The following LAMB3 variants were observed in gnomAD, a reference collection of about 807,000 sequenced individuals.
LAMB3 encodes laminin subunit beta 3.
LAMB3 carries 104 observed loss-of-function variants against 140.3 expected under a neutral mutation model. That is an observed-to-expected ratio of 0.74 (90% CI 0.63 to 0.87). The LOEUF is 0.87. LAMB3 is among the 40% of genes least tolerant of loss of function. The pLI is 0.00. For missense variants in LAMB3, 1,531 were observed against 1,575.2 expected, an observed-to-expected ratio of 0.97 and a Z score of 0.47; for synonymous variants, 592 against 602.9, an observed-to-expected ratio of 0.98 and a Z score of 0.26.
intron 3 of LAMB3, among the ~76,000 whole-genome samples, chr1:209,644,676 T>G (rs1190285871): frequency 6.6e-6 from 1 of 152,124 alleles, no homozygotes; most frequent in Non-Finnish European, 1.5e-5. Context: ...TGGCAATCAC[T>G]GAAAATTTCA....
At chr1:209,626,819 G>T (rs377192986) in intron 13 of LAMB3, 48 bp downstream of exon 13, 1 of 1,431,204 alleles carries the variant, frequency 7.0e-7, no homozygotes, top group Non-Finnish European at 9.8e-7. Flanking sequence ...GCCCACCCGC[G>T]TGCTCGGCCC....
intron 10 of LAMB3, among the ~76,000 whole-genome samples, 188 bp downstream of exon 10, chr1:209,629,549 C>G (rs17014942): frequency 0.026 from 3,924 of 152,160 alleles, 99 homozygotes; most frequent in East Asian, 0.13. Flanking sequence ...ATTGATGGTC[C>G]AGAGAGGTTA....
In LAMB3 at chr1:209,634,653, G is replaced by T. The variant is rs377371473; in HGVS notation, c.373-15C>A. On this transcript the variant is annotated splice_polypyrimidine_tract_variant and intron_variant, in intron 5 of 22. Transcript: ENST00000356082. ...GGCATGGGCCCCTGTGGAGACAGGG[G>T]CAGTGTGCAGAGGGGAGGCACTGGG... 2 of 1,606,864 alleles carry T rather than the reference G, an allele frequency of 1.2e-6. No individual in the cohort carries two copies. The highest frequency in any genetic ancestry group is 3.4e-5 in the Admixed American group (2 of 59,398).
chr1:209,622,684 T>C lies in LAMB3; in HGVS notation c.2557-4A>G, dbSNP rs535477818. On this transcript the variant is annotated splice_polypyrimidine_tract_variant and splice_region_variant and intron_variant, in intron 17 of 22. Coordinates refer to ENST00000356082, the MANE Select transcript of LAMB3 (RefSeq NM_000228.3). ...CAGATTCCTCGGCTGCCCTAATCTG[T>C]TGACATACACTCTAGGTCAGAAGGG... The C allele has an allele frequency of 2.1e-5, 34 of 1,614,122 alleles. No individual in the cohort carries two copies. The highest frequency in any genetic ancestry group is 2.8e-5 in the Non-Finnish European group (33 of 1,180,022).
chr1:209,632,704 G>T lies in LAMB3; in HGVS notation c.701C>A (p.Pro234His), dbSNP rs766795526. Reference protein sequence around the residue: ...LAPVPQRGYHPPSAYYAVSQL... With the variant: ...LAPVPQRGYHHPSAYYAVSQL... ...GGACACAGCATAGTAGGCGCTGGGA[G>T]GGTGGTAGCCCCTTTGGGGCACAGG... Residue 234 changes from proline to histidine, a missense_variant, in exon 8 of 23, where the codon CCT (proline) becomes CAT (histidine). Coordinates refer to ENST00000356082, the MANE Select transcript of LAMB3 (RefSeq NM_000228.3). 1.2e-6 allele frequency: 2 copies of T among 1,614,244 alleles called. No homozygotes were observed. Among genetic ancestry groups the T allele is most frequent in the Non-Finnish European group, 1.7e-6 (2 of 1,180,030 alleles).
rs116107388 is a variant in LAMB3 at position 209,627,861 on chromosome 1, C to T, written c.1288+174G>A. Among the ~76,000 whole-genome samples, 320 of 152,338 alleles carry T rather than the reference C, an allele frequency of 2.1e-3. 1 individual carries two copies. The highest frequency in any genetic ancestry group is 7.3e-3 in the African/African-American group (304 of 41,580). On this transcript the variant is annotated intron_variant, in intron 11 of 22. Transcript: ENST00000356082. ...TGGAGGCCAGTGGCACAGCATCTGG[C>T]GCTGGGTAAGAGGGCAAGAAGTCCG...
chr1:209,634,754 C>T, intron 5 of LAMB3, 116 bp from the exon 6 acceptor site: 1 of 832,706 alleles, frequency 1.2e-6, no homozygotes, highest in South Asian at 1.5e-5. Context: ...CCAGTGGGAG[C>T]AAGTGGGCTC....
intron 11 of LAMB3, 43 bp downstream of exon 11, chr1:209,627,992 T>C: frequency 6.4e-7 from 1 of 1,562,920 alleles, no homozygotes; most frequent in South Asian, 1.2e-5. Flanking sequence ...GGTGGCCCCA[T>C]GCAGCCCACC....
At chr1:209,639,787 C>A (rs1180567117) in intron 3 of LAMB3, among the ~76,000 whole-genome samples, 1 of 152,044 alleles carries the variant, frequency 6.6e-6, no homozygotes, top group Non-Finnish European at 1.5e-5. Context: ...ACCATACTGT[C>A]CAGAGGGCTC....
At chr1:209,619,923 A>G (rs2102408619) in intron 18 of LAMB3, among the ~76,000 whole-genome samples, 1 of 152,302 alleles carries the variant, frequency 6.6e-6, no homozygotes, top group Non-Finnish European at 1.5e-5. Flanking sequence ...GTTGAGTTTC[A>G]TTAAGTGGGT....
chr1:209,626,842 C>A (rs928675333), intron 13 of LAMB3, 25 bp downstream of exon 13: 2 of 1,574,516 alleles, frequency 1.3e-6, no homozygotes, highest in East Asian at 2.2e-5. Flanking sequence ...AGAGCCTCAG[C>A]GTCCCCCAGG....
rs751308900 is a variant in LAMB3 at position 209,634,663 on chromosome 1, G to T, written c.373-25C>A. 5 of 1,594,140 alleles carry T rather than the reference G, an allele frequency of 3.1e-6. No homozygotes were observed. The South Asian group carries it at 5.6e-5, about 18-fold the overall frequency. On this transcript the variant is annotated intron_variant, in intron 5 of 22. Coordinates refer to ENST00000356082, the MANE Select transcript of LAMB3 (RefSeq NM_000228.3). ...CCTGTGGAGACAGGGGCAGTGTGCA[G>T]AGGGGAGGCACTGGGGCTGTGCCCC...
At chr1:209,644,993 T>C in intron 3 of LAMB3, among the ~76,000 whole-genome samples, 1 of 152,220 alleles carries the variant, frequency 6.6e-6, no homozygotes, top group South Asian at 2.1e-4. Context: ...CTAGCAAAGT[T>C]GTGAGGCCAT....
chr1:209,642,036 A>G (rs1385758903), intron 3 of LAMB3, among the ~76,000 whole-genome samples: 1 of 152,130 alleles, frequency 6.6e-6, no homozygotes, highest in Non-Finnish European at 1.5e-5. Flanking sequence ...TGCCAGAAAC[A>G]AGCCTCTTTC....
At position 209,625,836 on chromosome 1, in the gene LAMB3, G is replaced by A; in HGVS notation, c.1788C>T (p.Ala596=). The change falls in exon 14 of 23, where the codon GCC becomes GCT. Residue 596 remains alanine (A), a synonymous_variant. Coordinates refer to ENST00000356082, the MANE Select transcript of LAMB3 (RefSeq NM_000228.3). ...QTYDADLREQ[A]LRFGRLRNAT... ...CATTGCGGAGTCTACCAAAGCGCAGGGCCTGCTCCCGGAGGTCCGCATCAT... is the reference window on the plus strand; with the variant it reads ...CATTGCGGAGTCTACCAAAGCGCAGAGCCTGCTCCCGGAGGTCCGCATCAT... The A allele has an allele frequency of 6.2e-7, 1 of 1,614,100 alleles. No individual in the cohort carries two copies. The highest frequency in any genetic ancestry group is 8.5e-7 in the Non-Finnish European group (1 of 1,180,014).
chr1:209,620,882 C>T (rs1040442), intron 18 of LAMB3, among the ~76,000 whole-genome samples: 5,479 of 152,276 alleles, frequency 0.036, 309 homozygotes, highest in African/African-American at 0.12. Context: ...CTCCCTCCCA[C>T]ACTGTGACCC....
rs146539397 is a variant in LAMB3, at chr1:209,626,604, G to GCT, written c.1597+261_1597+262dup. 1.1e-4 allele frequency among the ~76,000 whole-genome samples: 16 copies of GCT among 152,110 alleles called. No individual in the cohort carries two copies. In the South Asian group the frequency reaches 2.1e-3, roughly 20 times the overall value. ...GCCCTGGAGATGGCTTCTGGGAAAT[G>GCT]CTCTCTCTCTCTCAGGGAAGTGGGG... On this transcript the variant is annotated intron_variant, in intron 13 of 22. Transcript: ENST00000356082.
In LAMB3 at chr1:209,629,866, T is replaced by A; in HGVS notation, c.1003A>T (p.Ser335Cys). 1 of 1,614,198 alleles carries A rather than the reference T, an allele frequency of 6.2e-7. No individual in the cohort carries two copies. The highest frequency in any genetic ancestry group is 8.5e-7 in the Non-Finnish European group (1 of 1,180,032). Residue 335 changes from serine (S) to cysteine (C), a missense_variant, in exon 10 of 23, where the codon AGC becomes TGC. Coordinates refer to ENST00000356082, the MANE Select transcript of LAMB3 (RefSeq NM_000228.3). ...CHFDPAVFAA[S>C]QGAYGGVCDN... ...CACACACCTCCATATGCCCCCTGGC[T>A]GGCGGCAAACACAGCGGGGTCAAAG...
chr1:209,617,782 T>C (rs1475979269), intron 20 of LAMB3, 125 bp downstream of exon 20: 10 of 1,374,702 alleles, frequency 7.3e-6, no homozygotes, highest in Non-Finnish European at 9.3e-6. Context: ...TGCCCAAAGC[T>C]TGTCACTCTC....
Sources: gnomAD v4.1 joint callset for allele counts (sites outside exome capture counted in the v4.1 genomes callset) on GRCh38, gnomAD v4.1.1 for gene constraint, MANE v1.5 for transcripts, NCBI Gene and HGNC (gene_info 2026-07-23, HGNC 2026-07-21) for gene names.